The following DIDO1 variants were observed in gnomAD, a reference collection of about 807,000 sequenced individuals.
The protein encoded by DIDO1 is death inducer-obliterator 1, also known as death-inducer obliterator 1.
Under a neutral mutation model 99.4 loss-of-function variants are expected in DIDO1, and 16 were observed. That is an observed-to-expected ratio of 0.16 (90% CI 0.11 to 0.24). The LOEUF is 0.24. DIDO1 is among the 10% of genes least tolerant of loss of function. The pLI, the probability that DIDO1 is intolerant of heterozygous loss-of-function variation, is 1.00. For synonymous variants in DIDO1, 1,366 were observed against 1,239.1 expected (o/e 1.10, Z -2.15); for missense variants, 2,996 against 3,014.0 (o/e 0.99, Z 0.14).
intron 1 of DIDO1, among the ~76,000 whole-genome samples, chr20:62,916,213 T>G (rs1038108728): frequency 2.0e-5 from 3 of 152,152 alleles, no homozygotes; most frequent in Non-Finnish European, 4.4e-5. Flanking sequence ...CAGTAACAAC[T>G]TTTCCCCAGA....
In DIDO1 at chr20:62,892,014, A is replaced by C. The variant is rs1300154745; in HGVS notation, c.3318T>G (p.Val1106=). The change falls in exon 14 of 16, where the codon GTT becomes GTG. Residue 1106 remains valine, a synonymous_variant. Transcript: ENST00000395343. The stretch of plus-strand genomic sequence containing the variant: ...TAGACACAGAAGACTTGAGTTTGCC[A>C]ACATAATCCCAAACTGTCTTCGGTG... ...RIAPKTVWDY[V]GKLKSSVSKE... 3 of 1,613,056 alleles carry C rather than the reference A, an allele frequency of 1.9e-6. No individual in the cohort carries two copies. In the South Asian group the frequency reaches 3.3e-5, roughly 18 times the overall value.
At chr20:62,906,382 T>C (rs1173474587) in intron 5 of DIDO1, among the ~76,000 whole-genome samples, 1 of 152,122 alleles carries the variant, frequency 6.6e-6, no homozygotes, top group African/African-American at 2.4e-5. Context: ...AGGTGCCAAG[T>C]TGCCAAGATG....
chr20:62,887,839 GAGA>G (rs1027304376), intron 15 of DIDO1: 6 of 985,424 alleles, frequency 6.1e-6, no homozygotes, highest in African/African-American at 1.7e-5. Flanking sequence ...CATCTAGGTG[GAGA>G]AGGTCACCTG....
Position 62,905,914 on chromosome 20 carries a change from C to T in DIDO1, c.1561G>A (p.Ala521Thr), listed in dbSNP as rs2147472788. 9 of 1,614,162 alleles carry T rather than the reference C, an allele frequency of 5.6e-6. No homozygotes were observed. In the Middle Eastern group the frequency reaches 4.9e-4, roughly 89 times the overall value. Residue 521 changes from alanine (A) to threonine (T), a missense_variant, in exon 6 of 16, where the codon GCT becomes ACT. Physicochemically the swap from Ala to Thr is moderately conservative, Grantham distance 58. Transcript: ENST00000395343. ...YNAVKPEKTA[A>T]PSPSLLYKST... ...TTATACAACAGTGACGGCGAGGGAG[C>T]AGCAGTCTTTTCTGGCTTTACTGCA...
rs780170594 is a variant in DIDO1, at chr20:62,892,056, G to C, written c.3276C>G (p.His1092Gln). The C allele has an allele frequency of 1.2e-5, 19 of 1,612,662 alleles. No individual in the cohort carries two copies. The highest frequency in any genetic ancestry group is 1.2e-5 in the Non-Finnish European group (14 of 1,179,776). Residue 1092 changes from histidine to glutamine, a missense_variant, in exon 14 of 16, where the codon CAC becomes CAG. Coordinates refer to ENST00000395343, the MANE Select transcript of DIDO1 (RefSeq NM_001193369.2). ...YLSEDLPDTI[H>Q]IGGRIAPKTV... ...TCTTCGGTGCGATCCTCCCACCAAT[G>C]TGAATTGTGTCAGGCAAATCCTAAA...
intron 15 of DIDO1, 125 bp from the exon 16 acceptor site, chr20:62,882,539 A>C (rs1189095787): frequency 2.1e-6 from 2 of 949,786 alleles, no homozygotes; most frequent in Non-Finnish European, 3.1e-6. Flanking sequence ...TTCTGTGGCA[A>C]AATAAGATCA....
chr20:62,894,075 A>G lies in DIDO1; in HGVS notation c.2692T>C (p.Ser898Pro). ...GCCTCCGGCATCACCTCATCAGCTG[A>G]ATCCGGAGCTGGGTCAGGTGCAGAG... ...DSSAPDPAPD[S>P]ADEVMPEAVP... Residue 898 changes from serine (S) to proline (P), a missense_variant, in exon 12 of 16, where the codon TCA becomes CCA. By Grantham distance (74) the Ser-to-Pro change is moderately conservative (BLOSUM62 -1). Coordinates refer to ENST00000395343, the MANE Select transcript of DIDO1 (RefSeq NM_001193369.2). The surrounding 1 kb of genome is among the most constrained non-coding windows in gnomAD (Gnocchi z 4.4). The G allele has an allele frequency of 6.2e-7, 1 of 1,614,230 alleles. No homozygotes were observed. Among genetic ancestry groups the G allele is most frequent in the Non-Finnish European group, 8.5e-7 (1 of 1,180,042 alleles).
rs1417075666 is a variant in DIDO1 at position 62,881,543 on chromosome 20, G to A, written c.4413C>T (p.Ser1471=). 13 of 1,611,760 alleles carry A rather than the reference G, an allele frequency of 8.1e-6. No individual in the cohort carries two copies. The highest frequency in any genetic ancestry group is 9.3e-6 in the Non-Finnish European group (11 of 1,180,018). Residue 1471 remains serine, a synonymous_variant, in exon 16 of 16, where the codon TCC becomes TCT. Coordinates refer to ENST00000395343, the MANE Select transcript of DIDO1 (RefSeq NM_001193369.2). The surrounding 1 kb of genome is among the most constrained non-coding windows in gnomAD (Gnocchi z 8.3). The stretch of plus-strand genomic sequence containing the variant: ...CTAGCATCTTCTGTTGCTCCACCAG[G>A]GAGGGCGTCGCAGCCCCGGCCACCG... ...AEPVAGAATP[S]LVEQQKMLEE...
intron 6 of DIDO1, among the ~76,000 whole-genome samples, chr20:62,899,903 C>T (rs2064624654): frequency 6.6e-6 from 1 of 152,250 alleles, no homozygotes; most frequent in African/African-American, 2.4e-5. Flanking sequence ...GGCTGGTGCT[C>T]AACTTGGGTC....
chr20:62,887,668 C>T (rs189842462), intron 15 of DIDO1: 66 of 985,362 alleles, frequency 6.7e-5, no homozygotes, highest in Admixed American at 4.3e-4. Context: ...ATCTTGGCTG[C>T]GGTCCAGTCC....
Position 62,877,822 on chromosome 20 carries a change from G to A in DIDO1, c.*1411C>T, listed in dbSNP as rs1001155250. ...CTCATGTACAGTGATATAAGCCTCC[G>A]CAATATAAAATACAATGTACAGGAA... is the stretch of plus-strand genomic sequence containing the variant. On this transcript the variant is annotated 3_prime_UTR_variant, in exon 16 of 16. Transcript: ENST00000395343. 2 of 152,132 alleles carry A rather than the reference G, an allele frequency of 1.3e-5. No individual in the cohort carries two copies. Among genetic ancestry groups the A allele is most frequent in the Non-Finnish European group, 2.9e-5 (2 of 68,024 alleles). The allele number at this position is 152,132 out of a possible 1,614,324, so 9.4% of individuals were successfully genotyped here. A position where few individuals can be genotyped will look rare whatever the true frequency, so the allele number is the denominator to read the frequency against.
chr20:62,935,160 G>T (rs1458676122), intron 1 of DIDO1, among the ~76,000 whole-genome samples: 1 of 152,068 alleles, frequency 6.6e-6, no homozygotes, highest in Non-Finnish European at 1.5e-5. Flanking sequence ...CTCATCAGCT[G>T]GGCTACTCAC....
chr20:62,895,176 G>T lies in DIDO1; in HGVS notation c.2215-11C>A. 1 of 1,590,978 alleles carries T rather than the reference G, an allele frequency of 6.3e-7. No individual in the cohort carries two copies. Among genetic ancestry groups the T allele is most frequent in the Non-Finnish European group, 8.6e-7 (1 of 1,160,404 alleles). On this transcript the variant is annotated splice_polypyrimidine_tract_variant and intron_variant, in intron 8 of 15. Transcript: ENST00000395343. ...ACGATGGAAGAGTCCCTATAAACAA[G>T]TATTTTTCATTTACTCAAATAATAT...
Position 62,881,557 on chromosome 20 carries a change from C to T in DIDO1, c.4399G>A (p.Ala1467Thr), listed in dbSNP as rs2064206272. ...TGCTCCACCAGGGAGGGCGTCGCAG[C>T]CCCGGCCACCGGCTCGGCAGGCCTC... is the stretch of plus-strand genomic sequence containing the variant. Reference protein sequence around the residue: ...VERPAEPVAGAATPSLVEQQK... With the variant: ...VERPAEPVAGTATPSLVEQQK... The change falls in exon 16 of 16, where the codon GCT becomes ACT. Residue 1467 changes from alanine (A) to threonine (T), a missense_variant. Ala to Thr is a moderately conservative substitution (Grantham distance 58, BLOSUM62 0). Transcript: ENST00000395343. The surrounding 1 kb of genome is among the most constrained non-coding windows in gnomAD (Gnocchi z 8.3). 1 of 1,611,984 alleles carries T rather than the reference C, an allele frequency of 6.2e-7. No homozygotes were observed. The highest frequency in any genetic ancestry group is 8.5e-7 in the Non-Finnish European group (1 of 1,180,030).
At chr20:62,887,316 A>G (rs1228240538) in intron 15 of DIDO1, 1 of 985,376 alleles carries the variant, frequency 1.0e-6, no homozygotes, top group East Asian at 1.1e-4. Context: ...CTACTGTTAC[A>G]TACACACATG....
chr20:62,887,654 A>G, intron 15 of DIDO1: 1 of 985,544 alleles, frequency 1.0e-6, no homozygotes, highest in Non-Finnish European at 1.2e-6. Context: ...GTTAACAGGC[A>G]GGCATCTTGG....
intron 1 of DIDO1, among the ~76,000 whole-genome samples, chr20:62,937,551 G>C (rs2065404409): frequency 6.6e-6 from 1 of 152,250 alleles, no homozygotes; most frequent in Non-Finnish European, 1.5e-5. Flanking sequence ...CCTCGAGTGA[G>C]GACGCGCTCA....
At position 62,879,271 on chromosome 20, in the gene DIDO1, A is replaced by T; in HGVS notation, c.6685T>A (p.Ser2229Thr). The change falls in exon 16 of 16, where the codon TCG (serine) becomes ACG (threonine). Residue 2229 changes from serine to threonine, a missense_variant. By Grantham distance (58) the Ser-to-Thr change is moderately conservative (BLOSUM62 1). This residue lies in a region of DIDO1 where 1,562 missense variants were observed against 1,412.6 expected (regional missense o/e 1.11). Coordinates refer to ENST00000395343, the MANE Select transcript of DIDO1 (RefSeq NM_001193369.2). The surrounding 1 kb of genome is among the most constrained non-coding windows in gnomAD (Gnocchi z 6.3). ...ESARDPKPEA[S>T]RASDAGTASQ... is the part of the protein sequence containing the mutation. ...GCGGTGCCAGCGTCGGAGGCCCTCG[A>T]GGCCTCGGGCTTCGGGTCCCGAGCG... 6.4e-7 allele frequency: 1 copy of T among 1,570,418 alleles called. No individual in the cohort carries two copies. The highest frequency in any genetic ancestry group is 8.6e-7 in the Non-Finnish European group (1 of 1,161,910).
At chr20:62,924,555 TCA>T (rs1427346660) in intron 1 of DIDO1, among the ~76,000 whole-genome samples, 2 of 151,990 alleles carry the variant, frequency 1.3e-5, no homozygotes, top group African/African-American at 4.8e-5. Context: ...GTAGAAAAAC[TCA>T]CAGTATCAAC....
Sources: gnomAD v4.1 joint callset for allele counts (sites outside exome capture counted in the v4.1 genomes callset) on GRCh38, gnomAD v4.1.1 for gene constraint, gnomAD v4.1.1 regional missense constraint, Gnocchi (gnomAD v3.1) non-coding constraint, MANE v1.5 for transcripts, NCBI Gene and HGNC (gene_info 2026-07-23, HGNC 2026-07-21) for gene names.